IL4R: variants seen among roughly 807,000 people sequenced by gnomAD.
The protein encoded by IL4R is interleukin-4 receptor subunit alpha.
IL4R carries 17 observed loss-of-function variants against 41.5 expected under a neutral mutation model. That is an observed-to-expected ratio of 0.41 (90% CI 0.28 to 0.61). The LOEUF (loss-of-function observed/expected upper bound fraction) is 0.61. Among genes scored for constraint, IL4R ranks in the 20% least tolerant of loss-of-function variants. IL4R has a pLI of 0.31. For synonymous variants in IL4R, 402 were observed against 422.9 expected, an observed-to-expected ratio of 0.95 and a Z score of 0.61; for missense variants, 974 against 1,043.1, an observed-to-expected ratio of 0.93 and a Z score of 0.91.
At chr16:27,342,418 T>C (rs926913318) in intron 4 of IL4R, among the ~76,000 whole-genome samples, 159 bp downstream of exon 4, 1 of 152,076 alleles carries the variant, frequency 6.6e-6, no homozygotes, top group African/African-American at 2.4e-5. Flanking sequence ...TCCAGGGACA[T>C]GTTATGTAAG....
At chr16:27,360,651 G>T (rs1270595029) in intron 9 of IL4R, 115 bp from the exon 10 acceptor site, 2 of 1,242,088 alleles carry the variant, frequency 1.6e-6, no homozygotes, top group Non-Finnish European at 2.4e-6. Context: ...TAAGTGACCT[G>T]TTGGACTTCT....
chr16:27,348,747 G>A (rs1479310990), intron 6 of IL4R, among the ~76,000 whole-genome samples: 1 of 152,208 alleles, frequency 6.6e-6, no homozygotes, highest in African/African-American at 2.4e-5. Flanking sequence ...TGCTTGTCCA[G>A]GGAGGAGTCA....
At chr16:27,361,678 C>G (rs930394045) in intron 10 of IL4R, among the ~76,000 whole-genome samples, 1 of 144,238 alleles carries the variant, frequency 6.9e-6, no homozygotes, top group Non-Finnish European at 1.5e-5. Flanking sequence ...TGCAGTGATT[C>G]ACTGCAGCCT....
At chr16:27,335,331 GAGGCTGTCAT>G (rs2141108996) in intron 2 of IL4R, among the ~76,000 whole-genome samples, 1 of 152,228 alleles carries the variant, frequency 6.6e-6, no homozygotes, top group South Asian at 2.1e-4. Context: ...GAGTTACTTT[GAGGCTGTCAT>G]AGTAAAATAG....
At chr16:27,338,993 T>TAA (rs2085350182) in intron 2 of IL4R, among the ~76,000 whole-genome samples, 1 of 151,968 alleles carries the variant, frequency 6.6e-6, no homozygotes, top group Admixed American at 6.6e-5. Flanking sequence ...TAGCTGGAAT[T>TAA]ACAGGTGCCC....
At chr16:27,325,784 G>A (rs1358748296) in intron 1 of IL4R, among the ~76,000 whole-genome samples, 4 of 151,892 alleles carry the variant, frequency 2.6e-5, no homozygotes, top group Admixed American at 2.0e-4. Flanking sequence ...GTGCATCCCC[G>A]ATAAAGAAAC....
chr16:27,353,278 G>A (rs771173550), intron 7 of IL4R, among the ~76,000 whole-genome samples: 5 of 152,096 alleles, frequency 3.3e-5, no homozygotes, highest in South Asian at 4.1e-4. Flanking sequence ...AGCCGTGATC[G>A]TACCACTTTA....
intron 1 of IL4R, chr16:27,315,671 G>A (rs563031959): frequency 6.5e-6 from 1 of 152,702 alleles, no homozygotes; most frequent in Non-Finnish European, 1.5e-5. Context: ...ACAGAACCTA[G>A]GGAGTAAGCA....
intron 1 of IL4R, among the ~76,000 whole-genome samples, chr16:27,329,703 G>A (rs1419573322): frequency 2.0e-5 from 3 of 151,022 alleles, no homozygotes; most frequent in Non-Finnish European, 2.9e-5. Flanking sequence ...ATCTAGGGAA[G>A]TTGAAAACAT....
intron 1 of IL4R, among the ~76,000 whole-genome samples, chr16:27,317,531 T>G (rs1169690150): frequency 6.6e-6 from 1 of 152,172 alleles, no homozygotes. Flanking sequence ...AGACCTGCCC[T>G]TGGTGAATGT....
intron 9 of IL4R, 125 bp from the exon 10 acceptor site, chr16:27,360,641 T>A: frequency 1.8e-6 from 2 of 1,134,100 alleles, no homozygotes; most frequent in Non-Finnish European, 2.7e-6. Context: ...TCAGAAAGCG[T>A]AAGTGACCTG....
chr16:27,344,496 A>T (rs1404478902), intron 4 of IL4R, among the ~76,000 whole-genome samples: 2 of 152,122 alleles, frequency 1.3e-5, no homozygotes, highest in Non-Finnish European at 2.9e-5. Context: ...AAGGTGGAAC[A>T]TTGGAATTAT....
At chr16:27,328,248 AT>A (rs760692869) in intron 1 of IL4R, among the ~76,000 whole-genome samples, 1,569 of 138,722 alleles carry the variant, frequency 0.011, 14 homozygotes, top group Middle Eastern at 0.026. Context: ...TTATTGCTGA[AT>A]TTTTTTTTTT....
chr16:27,334,847 G>A (rs1049911211), intron 2 of IL4R, among the ~76,000 whole-genome samples: 3 of 152,122 alleles, frequency 2.0e-5, no homozygotes, highest in Admixed American at 2.0e-4. Flanking sequence ...TGCTGAGCCA[G>A]TTAGGGGCCC....
At position 27,328,660 on chromosome 16, in the gene IL4R, G is replaced by A. The variant is rs569224714; in HGVS notation, c.-151-1406G>A. Among the ~76,000 whole-genome samples the A allele has an allele frequency of 4.5e-4, 68 of 152,292 alleles. 1 individual carries two copies. Among genetic ancestry groups the A allele is most frequent in the Middle Eastern group, 3.4e-3 (1 of 294 alleles). ...AAGCAGTGAGCACAGCAGACATAAAGCTCTGCCCTCATGGGGCTTGTGGTC... is the reference window on the plus strand; with the variant it reads ...AAGCAGTGAGCACAGCAGACATAAAACTCTGCCCTCATGGGGCTTGTGGTC... On this transcript the variant is annotated intron_variant, in intron 1 of 10. Coordinates refer to ENST00000395762, the MANE Select transcript of IL4R (RefSeq NM_000418.4).
intron 7 of IL4R, 109 bp from the exon 8 acceptor site, chr16:27,355,699 G>T (rs1371239800): frequency 4.3e-6 from 3 of 705,158 alleles, no homozygotes; most frequent in Non-Finnish European, 7.4e-6. Flanking sequence ...CGGTCAGATC[G>T]TGGAGGGTCT....
At chr16:27,343,373 G>A (rs760421819) in intron 4 of IL4R, among the ~76,000 whole-genome samples, 3 of 152,144 alleles carry the variant, frequency 2.0e-5, no homozygotes, top group Non-Finnish European at 4.4e-5. Flanking sequence ...ACTGGCTGCT[G>A]TAGTTGTAAC....
Position 27,345,490 on chromosome 16 carries a change from G to C in IL4R, c.361+470G>C, listed in dbSNP as rs1357970362. 3.4e-6 allele frequency: 1 copy of C among 290,748 alleles called. No individual in the cohort carries two copies. The highest frequency in any genetic ancestry group is 2.2e-5 in the African/African-American group (1 of 46,000). The allele number at this position is 290,748 out of a possible 1,614,324, so 18.0% of individuals were successfully genotyped here. A position where few individuals can be genotyped will look rare whatever the true frequency, so the allele number is the denominator to read the frequency against. On this transcript the variant is annotated intron_variant, in intron 5 of 10. Transcript: ENST00000395762. This position sits in a 1 kb window ranked among gnomAD's most constrained non-coding sequence, Gnocchi z 4.5. ...CTGTGGTGACAGGAGTTTAAAACATGCGTTGTATTCCAGTGATGCATGATA... is the reference window on the plus strand; with the variant it reads ...CTGTGGTGACAGGAGTTTAAAACATCCGTTGTATTCCAGTGATGCATGATA...
chr16:27,316,247 C>G (rs545527647), intron 1 of IL4R, among the ~76,000 whole-genome samples: 2 of 152,242 alleles, frequency 1.3e-5, no homozygotes, highest in South Asian at 4.1e-4. Context: ...GCAGGTGCCT[C>G]TAGCCCCAGC....
Sources: gnomAD v4.1 joint callset for allele counts (sites outside exome capture counted in the v4.1 genomes callset) on GRCh38, gnomAD v4.1.1 for gene constraint, Gnocchi (gnomAD v3.1) non-coding constraint, MANE v1.5 for transcripts, NCBI Gene and HGNC (gene_info 2026-07-23, HGNC 2026-07-21) for gene names.